INO80: variants seen among roughly 807,000 people sequenced by gnomAD.
INO80 encodes INO80 complex ATPase subunit.
Under a neutral mutation model 203.4 loss-of-function variants are expected in INO80, and 20 were observed. That is an observed-to-expected ratio of 0.10 (90% CI 0.07 to 0.14). The LOEUF (loss-of-function observed/expected upper bound fraction) is 0.14. Among genes scored for constraint, INO80 ranks in the 10% least tolerant of loss-of-function variants. The probability of loss-of-function intolerance (pLI) is 1.00; values close to 1 mark genes in which losing one functional copy is unlikely to be tolerated. For synonymous variants in INO80, 726 were observed against 685.2 expected (o/e 1.06, Z -0.93); for missense variants, 1,419 against 1,914.4 (o/e 0.74, Z 4.83).
At chr15:41,027,207 C>G (rs996783746) in intron 25 of INO80, among the ~76,000 whole-genome samples, 1 of 152,142 alleles carries the variant, frequency 6.6e-6, no homozygotes, top group African/African-American at 2.4e-5. Context: ...CAAATCTCCC[C>G]CAATCCTTAC....
At position 40,988,170 on chromosome 15, in the gene INO80, C is replaced by T. The variant is rs374131176; in HGVS notation, c.3571-196G>A. Among the ~76,000 whole-genome samples the T allele has an allele frequency of 3.3e-5, 5 of 152,186 alleles. No homozygotes were observed. In the South Asian group the frequency reaches 1.0e-3, roughly 32 times the overall value. ...ATGCCCTGAGCAAAAGATACATGCT[C>T]CTGTTTTATTTTTTTCAGTTTTCAC... On this transcript the variant is annotated intron_variant, in intron 29 of 35. Coordinates refer to ENST00000648947, the MANE Select transcript of INO80 (RefSeq NM_017553.3).
At chr15:41,047,192 C>T (rs1188651757) in intron 23 of INO80, among the ~76,000 whole-genome samples, 2 of 149,188 alleles carry the variant, frequency 1.3e-5, no homozygotes, top group South Asian at 2.1e-4. Flanking sequence ...CTTGAACTGC[C>T]GACCTCAGGT....
chr15:40,998,383 AC>A (rs1432905350), intron 28 of INO80, among the ~76,000 whole-genome samples: 1 of 151,884 alleles, frequency 6.6e-6, no homozygotes, highest in Non-Finnish European at 1.5e-5. Context: ...AATAACTAAG[AC>A]CCAGGCTGTG....
intron 32 of INO80, 102 bp downstream of exon 32, chr15:40,985,236 T>G: frequency 1.3e-6 from 1 of 799,952 alleles, no homozygotes; most frequent in Non-Finnish European, 2.2e-6. Flanking sequence ...TGGAGCTTGA[T>G]AGCAACCAGT....
At chr15:40,985,000 T>C (rs888361081) in intron 32 of INO80, among the ~76,000 whole-genome samples, 1 of 152,192 alleles carries the variant, frequency 6.6e-6, no homozygotes, top group African/African-American at 2.4e-5. Context: ...GTGGATCTCA[T>C]GACCTCTTAG....
chr15:41,031,186 C>T (rs1235586445), intron 24 of INO80, among the ~76,000 whole-genome samples: 1 of 151,998 alleles, frequency 6.6e-6, no homozygotes, highest in Non-Finnish European at 1.5e-5. Flanking sequence ...ACATTAGTTC[C>T]ATCAAATCTG....
chr15:41,035,673 T>A (rs1288373525), intron 24 of INO80, among the ~76,000 whole-genome samples: 1 of 150,262 alleles, frequency 6.7e-6, no homozygotes, highest in Non-Finnish European at 1.5e-5. Context: ...ATATAAAAAA[T>A]TAGCTGGGTG....
intron 18 of INO80, 68 bp from the exon 19 acceptor site, chr15:41,054,082 C>T: frequency 8.2e-7 from 1 of 1,219,834 alleles, no homozygotes; most frequent in Non-Finnish European, 1.2e-6. Context: ...AAACAAATAC[C>T]ACATTCACCT....
At chr15:41,029,545 A>G (rs886330529) in intron 24 of INO80, among the ~76,000 whole-genome samples, 1 of 152,214 alleles carries the variant, frequency 6.6e-6, no homozygotes, top group Non-Finnish European at 1.5e-5. Context: ...CCATGTAGCT[A>G]TGATATGTTT....
rs181996786 is a variant in INO80 at position 41,069,018 on chromosome 15, C to T, written c.1782+552G>A. Among the ~76,000 whole-genome samples, 409 of 152,272 alleles carry T rather than the reference C, an allele frequency of 2.7e-3. 3 individuals are homozygous for T. Among genetic ancestry groups the T allele is most frequent in the South Asian group, 0.013 (62 of 4,830 alleles). On this transcript the variant is annotated intron_variant, in intron 14 of 35. Coordinates refer to ENST00000648947, the MANE Select transcript of INO80 (RefSeq NM_017553.3). ...ACCAAATAAGGTAGATGTTTTCTAC[C>T]GTGGCAGTTTGACCACGAGTATCCA...
chr15:41,013,698 T>C (rs2044163563), intron 27 of INO80, among the ~76,000 whole-genome samples: 1 of 152,144 alleles, frequency 6.6e-6, no homozygotes, highest in African/African-American at 2.4e-5. Context: ...TTTAAGAAAT[T>C]AAAGGAAGAA....
chr15:40,998,660 T>G (rs1323805060), intron 28 of INO80, among the ~76,000 whole-genome samples: 1 of 151,906 alleles, frequency 6.6e-6, no homozygotes, highest in Non-Finnish European at 1.5e-5. Flanking sequence ...AAGTTTTGTT[T>G]TTTTTTTTTT....
At chr15:41,052,364 G>T (rs2044889921) in intron 19 of INO80, among the ~76,000 whole-genome samples, 1 of 152,010 alleles carries the variant, frequency 6.6e-6, no homozygotes, top group Non-Finnish European at 1.5e-5. Flanking sequence ...CTTTGAAGAG[G>T]ATATATATAC....
chr15:41,092,153 C>G lies in INO80; in HGVS notation c.411G>C (p.Glu137Asp). Residue 137 changes from glutamate to aspartate, a missense_variant, in exon 5 of 36, where the codon GAG (glutamate) becomes GAC (aspartate). By Grantham distance (45) the Glu-to-Asp change is conservative (BLOSUM62 2). Around this residue, in one of 9 missense-constraint regions of INO80, gnomAD observed 323 missense variants for 325.4 expected, o/e 0.99. Transcript: ENST00000648947. Reference sequence around the variant, plus strand: ...CATCGTCTTCACTCTGAGAATCAGCCTCGCTGGATTCATCACTTAGCAGAA... The same window carrying G: ...CATCGTCTTCACTCTGAGAATCAGCGTCGCTGGATTCATCACTTAGCAGAA... ...KSILLSDESS[E>D]ADSQSEDDDE... 6.2e-7 allele frequency: 1 copy of G among 1,607,956 alleles called. No individual in the cohort carries two copies. The highest frequency in any genetic ancestry group is 8.5e-7 in the Non-Finnish European group (1 of 1,175,098).
chr15:40,984,340 C>T lies in INO80; in HGVS notation c.3934G>A (p.Asp1312Asn), dbSNP rs745392999. The T allele has an allele frequency of 4.3e-6, 7 of 1,613,962 alleles. No individual in the cohort carries two copies. The highest frequency in any genetic ancestry group is 5.9e-6 in the Non-Finnish European group (7 of 1,179,852). The change falls in exon 33 of 36, where the codon GAT becomes AAT. Residue 1312 changes from aspartate to asparagine, a missense_variant. Around this residue, in one of 9 missense-constraint regions of INO80, gnomAD observed 214 missense variants for 248.9 expected, o/e 0.86. Coordinates refer to ENST00000648947, the MANE Select transcript of INO80 (RefSeq NM_017553.3). Reference sequence around the variant, plus strand: ...TTTCTCCTTTTCCCATCCAATTCATCTTCTTTTTTCTTCTGGGAACACACG... The same window carrying T: ...TTTCTCCTTTTCCCATCCAATTCATTTTCTTTTTTCTTCTGGGAACACACG... ...EKYAEKKKKE[D>N]ELDGKRRKEG...
At chr15:40,981,632 C>T (rs1385909281) in intron 35 of INO80, among the ~76,000 whole-genome samples, 1 of 152,212 alleles carries the variant, frequency 6.6e-6, no homozygotes, top group Non-Finnish European at 1.5e-5. Context: ...ACTATGAGCT[C>T]ATACTAAGCC....
rs766411417 is a variant in INO80 at position 41,095,739 on chromosome 15, G to A, written c.313+20C>T. The A allele has an allele frequency of 1.9e-6, 3 of 1,613,072 alleles. No individual in the cohort carries two copies. The highest frequency in any genetic ancestry group is 3.3e-4 in the Middle Eastern group (2 of 6,082). On this transcript the variant is annotated intron_variant, in intron 3 of 35. Transcript: ENST00000648947. Reference sequence around the variant, plus strand: ...CCCAAGATAACGATAGTCCAAAGGGGGATGTCACACCACACTGACCTGACT... The same window carrying A: ...CCCAAGATAACGATAGTCCAAAGGGAGATGTCACACCACACTGACCTGACT...
At position 41,092,074 on chromosome 15, in the gene INO80, G is replaced by A. The variant is rs752265876; in HGVS notation, c.490C>T (p.His164Tyr). Reference protein sequence around the residue: ...REELHNMLRLHKYKKLHQNKY... With the variant: ...REELHNMLRLYKYKKLHQNKY... ...TTTTGGTGAAGTTTCTTATATTTGT[G>A]TAGTCGAAGCATGTTGTGAAGTTCT... Residue 164 changes from histidine to tyrosine, a missense_variant, in exon 5 of 36, where the codon CAC (histidine) becomes TAC (tyrosine). His to Tyr is a moderately conservative substitution (Grantham distance 83). Transcript: ENST00000648947. The A allele has an allele frequency of 4.3e-6, 7 of 1,611,474 alleles. No homozygotes were observed. Among genetic ancestry groups the A allele is most frequent in the Non-Finnish European group, 5.1e-6 (6 of 1,177,868 alleles).
At chr15:41,015,576 G>A (rs951927784) in intron 27 of INO80, among the ~76,000 whole-genome samples, 8 of 152,014 alleles carry the variant, frequency 5.3e-5, no homozygotes, top group African/African-American at 1.9e-4. Context: ...GGGGGCAGAA[G>A]TCCTTCACAT....
Sources: gnomAD v4.1 joint callset for allele counts (sites outside exome capture counted in the v4.1 genomes callset) on GRCh38, gnomAD v4.1.1 for gene constraint, gnomAD v4.1.1 regional missense constraint, MANE v1.5 for transcripts, NCBI Gene and HGNC (gene_info 2026-07-23, HGNC 2026-07-21) for gene names.